Variants in MELTF observed in about 807,000 individuals in gnomAD.
The protein encoded by MELTF is melanotransferrin.
A neutral mutation model predicts 83.7 loss-of-function variants in MELTF; 67 were observed. The ratio of observed to expected loss-of-function variants is 0.80; its 90% confidence interval spans 0.66 to 0.98. MELTF has a LOEUF of 0.98. Ranked by LOEUF, MELTF falls within the 50% of genes least tolerant of loss-of-function variation. MELTF has a pLI of 0.00. For synonymous variants in MELTF, 462 were observed against 447.6 expected (o/e 1.03, Z -0.41); for missense variants, 1,002 against 1,035.6 (o/e 0.97, Z 0.44).
chr3:197,021,113 G>A (rs898055725), intron 6 of MELTF, among the ~76,000 whole-genome samples: 3 of 152,246 alleles, frequency 2.0e-5, no homozygotes, highest in Non-Finnish European at 4.4e-5. Context: ...ATCTTCAGGT[G>A]GAACCAGAAC....
intron 8 of MELTF, 47 bp downstream of exon 8, chr3:197,016,142 G>A: frequency 2.1e-6 from 3 of 1,448,426 alleles, no homozygotes; most frequent in Non-Finnish European, 2.7e-6. Flanking sequence ...CCATGCCCGA[G>A]GTTGAGCTGG....
In MELTF at chr3:197,008,657, C is replaced by T. The variant is rs1213108758; in HGVS notation, c.1750G>A (p.Gly584Ser). The T allele has an allele frequency of 2.5e-6, 4 of 1,613,776 alleles. No homozygotes were observed. The highest frequency in any genetic ancestry group is 1.7e-5 in the Admixed American group (1 of 59,982). The change falls in exon 13 of 16, where the codon GGC (glycine) becomes AGC (serine). Residue 584 changes from glycine to serine, a missense_variant and splice_region_variant. Coordinates refer to ENST00000296350, the MANE Select transcript of MELTF (RefSeq NM_005929.6). The surrounding 1 kb of genome is among the most constrained non-coding windows in gnomAD (Gnocchi z 5.4). ...TGGCCCTGCTCTTGCCCCCACCTAC[C>T]GTTTGTGTTGTCAAAGACGGTTGTG... ...RHTTVFDNTN[G>S]HNSEPWAAEL...
intron 10 of MELTF, among the ~76,000 whole-genome samples, chr3:197,010,148 CA>C (rs1449188841): frequency 6.6e-6 from 1 of 152,222 alleles, no homozygotes. Flanking sequence ...GCTGAGGCTG[CA>C]GAAGCATTTT....
intron 9 of MELTF, among the ~76,000 whole-genome samples, chr3:197,014,033 G>A (rs577444656): frequency 6.6e-6 from 1 of 152,348 alleles, no homozygotes; most frequent in African/African-American, 2.4e-5. Flanking sequence ...AAGGCAATCA[G>A]CCTGTGGAAG....
intron 3 of MELTF, 105 bp downstream of exon 3, chr3:197,026,555 T>A (rs1719862279): frequency 2.0e-6 from 2 of 989,870 alleles, no homozygotes; most frequent in African/African-American, 3.2e-5. Flanking sequence ...AGGACTGCTC[T>A]GTGGACAGGG....
In MELTF at chr3:197,003,592, G is replaced by C; in HGVS notation, c.2138-141C>G. 1.4e-6 allele frequency: 1 copy of C among 707,688 alleles called. No individual in the cohort carries two copies. The highest frequency in any genetic ancestry group is 4.3e-4 in the Middle Eastern group (1 of 2,318). 43.8% of individuals were successfully genotyped at this position (707,688 alleles called of 1,614,324 possible). A position where few individuals can be genotyped will look rare whatever the true frequency, so the allele number is the denominator to read the frequency against. On this transcript the variant is annotated intron_variant, in intron 15 of 15. Coordinates refer to ENST00000296350, the MANE Select transcript of MELTF (RefSeq NM_005929.6). The surrounding 1 kb of genome is among the most constrained non-coding windows in gnomAD (Gnocchi z 6.2). ...CCTCTTTGTGCTCCTTTCCCCTGCT[G>C]CCCTTCCAGATGCGCTCTTTCCAGA... is the stretch of plus-strand genomic sequence containing the variant.
intron 9 of MELTF, 119 bp downstream of exon 9, chr3:197,015,246 G>A: frequency 8.1e-7 from 1 of 1,229,614 alleles, no homozygotes; most frequent in Admixed American, 2.3e-5. Context: ...GTCTCTGTGG[G>A]CTTGTTGCAG....
intron 6 of MELTF, among the ~76,000 whole-genome samples, chr3:197,020,686 T>A (rs1213385273): frequency 6.6e-6 from 1 of 152,088 alleles, no homozygotes; most frequent in Non-Finnish European, 1.5e-5. Context: ...GTTGTTGTTT[T>A]TTAGACAGAG....
chr3:197,003,336 G>A lies in MELTF; in HGVS notation c.*36C>T, dbSNP rs1347667247. 2 of 1,060,986 alleles carry A rather than the reference G, an allele frequency of 1.9e-6. No individual in the cohort carries two copies. Among genetic ancestry groups the A allele is most frequent in the African/African-American group, 3.4e-5 (2 of 58,460 alleles). 65.7% of individuals were successfully genotyped at this position (1,060,986 alleles called of 1,614,324 possible). On this transcript the variant is annotated 3_prime_UTR_variant, in exon 16 of 16. Transcript: ENST00000296350. The surrounding 1 kb of genome is among the most constrained non-coding windows in gnomAD (Gnocchi z 6.2). ...GCGAAGCCGCCGCGGAAACTCCCCG[G>A]GCGGGCATCGGAGCTCTGGGGCGGG...
chr3:197,008,654 T>G lies in MELTF; in HGVS notation c.1750+3A>C. ...CTTTGGCCCTGCTCTTGCCCCCACC[T>G]ACCGTTTGTGTTGTCAAAGACGGTT... is the stretch of plus-strand genomic sequence containing the variant. On this transcript the variant is annotated splice_donor_region_variant and intron_variant, in intron 13 of 15. Transcript: ENST00000296350. This position sits in a 1 kb window ranked among gnomAD's most constrained non-coding sequence, Gnocchi z 5.4. The G allele has an allele frequency of 6.2e-7, 1 of 1,613,652 alleles. No individual in the cohort carries two copies. The highest frequency in any genetic ancestry group is 8.5e-7 in the Non-Finnish European group (1 of 1,179,794).
At chr3:197,014,387 T>G (rs1046793824) in intron 9 of MELTF, among the ~76,000 whole-genome samples, 2 of 140,496 alleles carry the variant, frequency 1.4e-5, no homozygotes, top group East Asian at 2.0e-4. Flanking sequence ...GGGAGAGTTT[T>G]TTTTTTTTTT....
At position 197,011,326 on chromosome 3, in the gene MELTF, G is replaced by A. The variant is rs1366637084; in HGVS notation, c.1234-532C>T. ...GCTCTGCCTGCGGAGGCGCGGGAGG[G>A]TCCAGTGCCTTCTTCCCAGGACCCT... On this transcript the variant is annotated intron_variant, in intron 9 of 15. Coordinates refer to ENST00000296350, the MANE Select transcript of MELTF (RefSeq NM_005929.6). This position sits in a 1 kb window ranked among gnomAD's most constrained non-coding sequence, Gnocchi z 4.2. Among the ~76,000 whole-genome samples, 1 of 152,220 alleles carries A rather than the reference G, an allele frequency of 6.6e-6. No individual in the cohort carries two copies. Among genetic ancestry groups the A allele is most frequent in the African/African-American group, 2.4e-5 (1 of 41,456 alleles).
rs747879523 is a variant in MELTF, at chr3:197,004,088, T to C, written c.1950A>G (p.Gly650=). 1 of 1,614,106 alleles carries C rather than the reference T, an allele frequency of 6.2e-7. No individual in the cohort carries two copies. Among genetic ancestry groups the C allele is most frequent in the South Asian group, 1.1e-5 (1 of 91,084 alleles). Reference sequence around the variant, plus strand: ...TGAACCCGTTCTTATTGTGGTCGTCTCCAAACAGGTCCTGGAAGCACCGCA... The same window carrying C: ...TGAACCCGTTCTTATTGTGGTCGTCCCCAAACAGGTCCTGGAAGCACCGCA... ...GLLDKAQDLF[G]DDHNKNGFKM... is the part of the protein sequence containing the mutation. The change falls in exon 15 of 16, where the codon GGA becomes GGG. Residue 650 remains glycine (G), a synonymous_variant. Coordinates refer to ENST00000296350, the MANE Select transcript of MELTF (RefSeq NM_005929.6).
chr3:197,018,272 C>T (rs899979624), intron 6 of MELTF, among the ~76,000 whole-genome samples: 2 of 151,852 alleles, frequency 1.3e-5, no homozygotes, highest in African/African-American at 2.4e-5. Context: ...CTCAGCCTCC[C>T]GAGTAGCTGG....
chr3:197,024,463 G>C lies in MELTF; in HGVS notation c.327C>G (p.Ala109=). The C allele has an allele frequency of 6.3e-7, 1 of 1,595,746 alleles. No homozygotes were observed. Residue 109 remains alanine, a synonymous_variant, in exon 4 of 16, where the codon GCC becomes GCG. Coordinates refer to ENST00000296350, the MANE Select transcript of MELTF (RefSeq NM_005929.6). The surrounding 1 kb of genome is among the most constrained non-coding windows in gnomAD (Gnocchi z 5.3). Reference sequence around the variant, plus strand: ...GGGAGCTCCTCCTGACCACAGCCACGGCGTAATAGGAGGTACCGACCTCTA... The same window carrying C: ...GGGAGCTCCTCCTGACCACAGCCACCGCGTAATAGGAGGTACCGACCTCTA... ...YDQEVGTSYY[A]VAVVRRSSHV...
At position 197,003,397 on chromosome 3, in the gene MELTF, G is replaced by A; in HGVS notation, c.2192C>T (p.Ala731Val). ...LLPLLLPALAARLLPPAL is the reference protein window; with the variant it reads ...LLPLLLPALAVRLLPPAL ...TCAGAGGGCGGGCGGGAGCAGGCGG[G>A]CGGCGAGGGCGGGCAGCAGCAGCGG... Residue 731 changes from alanine (A) to valine (V), a missense_variant, in exon 16 of 16, where the codon GCC (alanine) becomes GTC (valine). Physicochemically the swap from Ala to Val is moderately conservative, Grantham distance 64. Coordinates refer to ENST00000296350, the MANE Select transcript of MELTF (RefSeq NM_005929.6). The surrounding 1 kb of genome is among the most constrained non-coding windows in gnomAD (Gnocchi z 6.2). The A allele has an allele frequency of 6.4e-6, 7 of 1,097,022 alleles. No individual in the cohort carries two copies. Among genetic ancestry groups the A allele is most frequent in the Non-Finnish European group, 6.6e-6 (6 of 902,572 alleles). The allele number at this position is 1,097,022 out of a possible 1,614,324, so 68.0% of individuals were successfully genotyped here.
intron 7 of MELTF, 91 bp from the exon 8 acceptor site, chr3:197,016,460 G>A (rs559855096): frequency 1.7e-5 from 21 of 1,230,206 alleles, no homozygotes; most frequent in Admixed American, 1.3e-4. Context: ...CTTCTTCCCC[G>A]ACCTCAGACC....
In MELTF at chr3:197,007,554, G is replaced by C. The variant is rs745317600; in HGVS notation, c.1751-818C>G. Among the ~76,000 whole-genome samples, 1 of 152,326 alleles carries C rather than the reference G, an allele frequency of 6.6e-6. No homozygotes were observed. The highest frequency in any genetic ancestry group is 6.5e-5 in the Admixed American group (1 of 15,312). ...CGCCTCCCCTGACCCCATCCCAGAC[G>C]ACACCATGCACAGATCTGGGACCAG... On this transcript the variant is annotated intron_variant, in intron 13 of 15. Coordinates refer to ENST00000296350, the MANE Select transcript of MELTF (RefSeq NM_005929.6). This position sits in a 1 kb window ranked among gnomAD's most constrained non-coding sequence, Gnocchi z 4.3.
At chr3:197,016,648 C>G (rs953554610) in intron 7 of MELTF, among the ~76,000 whole-genome samples, 1 of 152,208 alleles carries the variant, frequency 6.6e-6, no homozygotes, top group Non-Finnish European at 1.5e-5. Context: ...CCTGAGGACA[C>G]GCCGTGGGGC....
Sources: gnomAD v4.1 joint callset for allele counts (sites outside exome capture counted in the v4.1 genomes callset) on GRCh38, gnomAD v4.1.1 for gene constraint, Gnocchi (gnomAD v3.1) non-coding constraint, MANE v1.5 for transcripts, NCBI Gene and HGNC (gene_info 2026-07-23, HGNC 2026-07-21) for gene names.